GSE1: variants seen among roughly 807,000 people sequenced by gnomAD.
GSE1 encodes Gse1 coiled-coil protein, also known as genetic suppressor element 1.
A neutral mutation model predicts 112.6 loss-of-function variants in GSE1; 32 were observed. The ratio of observed to expected loss-of-function variants is 0.28; its 90% CI spans 0.21 to 0.38. The LOEUF (loss-of-function observed/expected upper bound fraction) is 0.38, where lower values mean the gene tolerates loss of function less well. Among genes scored for constraint, GSE1 ranks in the 10% least tolerant of loss-of-function variants. GSE1 has a pLI of 1.00. For missense variants in GSE1, 2,348 were observed against 1,699.2 expected (o/e 1.38, Z -6.71); for synonymous variants, 1,115 against 735.6 (o/e 1.52, Z -8.35).
At chr16:85,233,254 A>C (rs12931671) in intron 1 of GSE1, among the ~76,000 whole-genome samples, 74,341 of 152,186 alleles carry the variant, frequency 0.49, 18,678 homozygotes, top group African/African-American at 0.57. Context: ...CATTCATTGC[A>C]TCATTTCGTC....
intron 1 of GSE1, among the ~76,000 whole-genome samples, chr16:85,192,869 GGAA>G (rs538159081): frequency 1.2e-3 from 180 of 152,340 alleles, no homozygotes; most frequent in Non-Finnish European, 2.2e-3. Context: ...CGCCCTTTTG[GGAA>G]GAAGGGGGGA....
chr16:85,464,299 A>G (rs1010918225), intron 2 of GSE1, among the ~76,000 whole-genome samples: 22 of 151,366 alleles, frequency 1.5e-4, no homozygotes, highest in Non-Finnish European at 3.1e-4. Flanking sequence ...CCTGTCCATC[A>G]GATGTCGGCT....
chr16:85,185,838 G>T (rs2074688477), intron 1 of GSE1, among the ~76,000 whole-genome samples: 1 of 152,238 alleles, frequency 6.6e-6, no homozygotes, highest in Non-Finnish European at 1.5e-5. Flanking sequence ...GGGCATTCTG[G>T]GAAACTCTGG....
chr16:85,266,924 T>C (rs1908305795), intron 1 of GSE1, among the ~76,000 whole-genome samples: 1 of 152,128 alleles, frequency 6.6e-6, no homozygotes, highest in African/African-American at 2.4e-5. Flanking sequence ...CCCCCATTTC[T>C]GGACATCTGG....
At chr16:85,178,596 G>A (rs2074516844) in intron 1 of GSE1, among the ~76,000 whole-genome samples, 1 of 152,064 alleles carries the variant, frequency 6.6e-6, no homozygotes, top group Non-Finnish European at 1.5e-5. Context: ...ACGGCATCGT[G>A]GGCACAGCTG....
At chr16:85,227,733 A>C (rs1261602574) in intron 1 of GSE1, among the ~76,000 whole-genome samples, 2 of 152,152 alleles carry the variant, frequency 1.3e-5, no homozygotes, top group Admixed American at 6.5e-5. Flanking sequence ...CAGGCTCTGG[A>C]GCACCCACCA....
chr16:85,281,376 A>G (rs1339468859), intron 1 of GSE1, among the ~76,000 whole-genome samples: 2 of 152,016 alleles, frequency 1.3e-5, no homozygotes, highest in African/African-American at 4.8e-5. Context: ...AAGCAGTTCC[A>G]GGCACGAGTT....
chr16:85,267,947 G>A (rs1908421796), intron 1 of GSE1, among the ~76,000 whole-genome samples: 1 of 152,178 alleles, frequency 6.6e-6, no homozygotes, highest in Admixed American at 6.5e-5. Flanking sequence ...TCTGGGAGAT[G>A]GGGCTAATAG....
intron 2 of GSE1, among the ~76,000 whole-genome samples, chr16:85,525,321 T>G (rs2052332066): frequency 6.6e-6 from 1 of 151,974 alleles, no homozygotes; most frequent in African/African-American, 2.4e-5. Flanking sequence ...AACACCCCTC[T>G]GTTAGCTGTG....
intron 1 of GSE1, among the ~76,000 whole-genome samples, chr16:85,233,385 C>G (rs748070349): frequency 2.6e-5 from 4 of 152,180 alleles, no homozygotes; most frequent in Non-Finnish European, 5.9e-5. Context: ...CAGGCTGGAG[C>G]CCTCAGGTGG....
At chr16:85,618,207 G>T (rs542351415) in intron 1 of GSE1, among the ~76,000 whole-genome samples, 7 of 152,104 alleles carry the variant, frequency 4.6e-5, no homozygotes, top group African/African-American at 7.2e-5. Flanking sequence ...CTGAGGTGGC[G>T]TGAGGGGGGT....
At chr16:85,652,584 G>A (rs1241696996) in intron 3 of GSE1, among the ~76,000 whole-genome samples, 2 of 151,988 alleles carry the variant, frequency 1.3e-5, no homozygotes, top group African/African-American at 4.8e-5. Flanking sequence ...GTTAATCCTC[G>A]CTGACTGTCT....
chr16:85,170,455 G>A (rs1597706580), exon 1 of GSE1: 1 of 985,588 alleles, frequency 1.0e-6, no homozygotes, highest in Non-Finnish European at 1.2e-6. Context: ...GCCGCTGGGG[G>A]AGACCCTACG....
chr16:85,675,664 G>C lies in GSE1; in HGVS notation c.*3125G>C, dbSNP rs1489602024. 6.6e-6 allele frequency: 1 copy of C among 152,204 alleles called. No individual in the cohort carries two copies. The highest frequency in any genetic ancestry group is 1.5e-5 in the Non-Finnish European group (1 of 68,050). The allele number at this position is 152,204 out of a possible 1,614,324, so 9.4% of individuals were successfully genotyped here. Reference sequence around the variant, plus strand: ...CTCATAATACTGCCAAATCTCAAAAGTTAAGCTGAATTTCACACCAGATCC... The same window carrying C: ...CTCATAATACTGCCAAATCTCAAAACTTAAGCTGAATTTCACACCAGATCC... On this transcript the variant is annotated 3_prime_UTR_variant, in exon 16 of 16. Transcript: ENST00000253458.
At chr16:85,319,253 A>AGTAGGC (rs1355081468) in intron 1 of GSE1, among the ~76,000 whole-genome samples, 1 of 152,198 alleles carries the variant, frequency 6.6e-6, no homozygotes, top group African/African-American at 2.4e-5. Context: ...ATTCTGGAAA[A>AGTAGGC]GTAGGCGTGT....
intron 1 of GSE1, among the ~76,000 whole-genome samples, chr16:85,588,052 T>A (rs2046790712): frequency 6.6e-6 from 1 of 152,162 alleles, no homozygotes; most frequent in African/African-American, 2.4e-5. Flanking sequence ...TTCGTCCTCC[T>A]CTTTCCAGAG....
intron 1 of GSE1, among the ~76,000 whole-genome samples, chr16:85,255,887 C>G (rs1043002919): frequency 6.6e-6 from 1 of 151,082 alleles, no homozygotes; most frequent in Non-Finnish European, 1.5e-5. Context: ...GGGGTCTCAC[C>G]GTGTTGTCCA....
intron 1 of GSE1, among the ~76,000 whole-genome samples, chr16:85,213,193 C>T (rs1417272953): frequency 2.0e-5 from 3 of 149,358 alleles, no homozygotes; most frequent in Admixed American, 6.7e-5. Context: ...CTCTTGAACC[C>T]GGGAGGCAGA....
intron 1 of GSE1, among the ~76,000 whole-genome samples, chr16:85,322,304 G>T (rs1468242409): frequency 2.6e-5 from 4 of 152,232 alleles, no homozygotes; most frequent in South Asian, 2.1e-4. Flanking sequence ...GGGCGGGCGG[G>T]GGGGAAGGTG....
Sources: gnomAD v4.1 joint callset for allele counts (sites outside exome capture counted in the v4.1 genomes callset) on GRCh38, gnomAD v4.1.1 for gene constraint, MANE v1.5 for transcripts, NCBI Gene and HGNC (gene_info 2026-07-23, HGNC 2026-07-21) for gene names.